Variants in LRRC1 observed in about 807,000 individuals in gnomAD.
LRRC1 encodes leucine-rich repeat-containing protein 1.
A neutral mutation model predicts 69.9 loss-of-function variants in LRRC1; 28 were observed. That is an observed-to-expected ratio of 0.40 (90% confidence interval 0.30 to 0.55). The LOEUF is 0.55. Among genes scored for constraint, LRRC1 ranks in the 20% least tolerant of loss-of-function variants. The pLI, the probability that LRRC1 is intolerant of heterozygous loss-of-function variation, is 0.47. For missense variants in LRRC1, 498 were observed against 609.0 expected (o/e 0.82, Z 1.92); for synonymous variants, 236 against 240.2 (o/e 0.98, Z 0.16).
rs780982634 is a variant in LRRC1, at chr6:53,897,282, T to C, written c.568-3T>C. The C allele has an allele frequency of 6.2e-7, 1 of 1,603,354 alleles. No individual in the cohort carries two copies. The highest frequency in any genetic ancestry group is 8.5e-7 in the Non-Finnish European group (1 of 1,173,092). ...ACCGTAACTTTTTTTTCTTTTGTTT[T>C]AGCCAGAATCAATTGGAGCCCTCTT... On this transcript the variant is annotated splice_polypyrimidine_tract_variant and splice_region_variant and intron_variant, in intron 6 of 13. Coordinates refer to ENST00000370888, the MANE Select transcript of LRRC1 (RefSeq NM_018214.5).
intron 1 of LRRC1, among the ~76,000 whole-genome samples, chr6:53,822,495 T>C (rs1765144646): frequency 6.6e-6 from 1 of 152,206 alleles, no homozygotes; most frequent in Non-Finnish European, 1.5e-5. Flanking sequence ...TCTTCATAAA[T>C]AAGTGACTTG....
chr6:53,834,930 C>G (rs774934253), intron 1 of LRRC1, among the ~76,000 whole-genome samples: 2 of 152,138 alleles, frequency 1.3e-5, no homozygotes, highest in African/African-American at 2.4e-5. Flanking sequence ...CCACTGCACT[C>G]CAGCCTGGGC....
chr6:53,804,772 G>A (rs1407226781), intron 1 of LRRC1, among the ~76,000 whole-genome samples: 2 of 152,172 alleles, frequency 1.3e-5, no homozygotes, highest in African/African-American at 2.4e-5. Flanking sequence ...ATTTCAAGAA[G>A]CATATTTGCT....
At chr6:53,825,688 G>A (rs934221350) in intron 1 of LRRC1, among the ~76,000 whole-genome samples, 16 of 151,974 alleles carry the variant, frequency 1.1e-4, no homozygotes, top group Non-Finnish European at 8.8e-5. Flanking sequence ...AAACTCTGAG[G>A]GTTAGGCCCA....
At chr6:53,878,072 C>T (rs574976598) in intron 2 of LRRC1, among the ~76,000 whole-genome samples, 7 of 152,234 alleles carry the variant, frequency 4.6e-5, no homozygotes, top group East Asian at 1.9e-4. Context: ...ATGTGGATGA[C>T]GACAGGCAAA....
Position 53,914,318 on chromosome 6 carries a change from T to A in LRRC1, c.1106+349T>A, listed in dbSNP as rs556139449. On this transcript the variant is annotated intron_variant, in intron 11 of 13. Transcript: ENST00000370888. ...TCTTCTAAGTAGCTTTTGTAAATCA[T>A]CATGGGCTTCAGAGTTTCCTCACCT... Among the ~76,000 whole-genome samples the A allele has an allele frequency of 9.2e-5, 14 of 152,290 alleles. No individual in the cohort carries two copies. The East Asian group carries it at 2.7e-3, about 29-fold the overall frequency.
chr6:53,868,082 A>C (rs1174398267), intron 2 of LRRC1, among the ~76,000 whole-genome samples: 1 of 152,164 alleles, frequency 6.6e-6, no homozygotes, highest in Non-Finnish European at 1.5e-5. Flanking sequence ...ACTAAGTATT[A>C]GTATACTAAC....
intron 1 of LRRC1, among the ~76,000 whole-genome samples, chr6:53,800,247 CTTTTTTTT>C (rs55960000): frequency 2.2e-5 from 2 of 89,542 alleles, no homozygotes; most frequent in East Asian, 3.5e-4. Flanking sequence ...GTTTCTTTTT[CTTTTTTTT>C]TTTTTTTTTT....
intron 1 of LRRC1, among the ~76,000 whole-genome samples, chr6:53,834,264 C>T (rs1387165907): frequency 6.6e-6 from 1 of 152,202 alleles, no homozygotes. Flanking sequence ...AGATTTCTTG[C>T]ATGTCTACTC....
intron 2 of LRRC1, among the ~76,000 whole-genome samples, chr6:53,845,410 C>G (rs963615019): frequency 1.8e-4 from 27 of 152,120 alleles, no homozygotes; most frequent in Admixed American, 1.8e-3. Flanking sequence ...GTCACAAATC[C>G]TGCAGCTGGA....
At chr6:53,896,287 T>C (rs564558761) in intron 4 of LRRC1, among the ~76,000 whole-genome samples, 2 of 152,328 alleles carry the variant, frequency 1.3e-5, no homozygotes, top group African/African-American at 2.4e-5. Context: ...TTATTAATTA[T>C]TAATATCTTA....
At chr6:53,799,045 C>G (rs2127401119) in intron 1 of LRRC1, among the ~76,000 whole-genome samples, 1 of 152,188 alleles carries the variant, frequency 6.6e-6, no homozygotes, top group East Asian at 1.9e-4. Flanking sequence ...TTCCTGTAAT[C>G]TCCAGCACCA....
chr6:53,908,319 A>G (rs1052852586), intron 10 of LRRC1, among the ~76,000 whole-genome samples: 26 of 152,250 alleles, frequency 1.7e-4, no homozygotes, highest in African/African-American at 6.3e-4. Context: ...ATGAGGCAAC[A>G]TAGCATTTGC....
intron 1 of LRRC1, among the ~76,000 whole-genome samples, chr6:53,832,118 A>G (rs1026962908): frequency 4.6e-5 from 7 of 152,178 alleles, no homozygotes; most frequent in Admixed American, 2.6e-4. Flanking sequence ...CTTTGATCCT[A>G]TTGGTATGAT....
intron 1 of LRRC1, among the ~76,000 whole-genome samples, chr6:53,802,085 C>T (rs930045756): frequency 2.0e-5 from 3 of 152,084 alleles, no homozygotes; most frequent in South Asian, 2.1e-4. Context: ...CTGTACTGCC[C>T]GCCTGGGAGC....
intron 10 of LRRC1, among the ~76,000 whole-genome samples, chr6:53,907,451 G>T (rs1266200458): frequency 6.6e-6 from 1 of 152,134 alleles, no homozygotes; most frequent in Non-Finnish European, 1.5e-5. Flanking sequence ...AATGGTTGAG[G>T]GGAAGATGTT....
chr6:53,851,419 G>A (rs1766132374), intron 2 of LRRC1, among the ~76,000 whole-genome samples: 2 of 152,050 alleles, frequency 1.3e-5, no homozygotes, highest in Non-Finnish European at 2.9e-5. Context: ...AGAAAGGCAG[G>A]AGAAGATGAT....
At chr6:53,820,428 A>T (rs1765084328) in intron 1 of LRRC1, among the ~76,000 whole-genome samples, 1 of 148,190 alleles carries the variant, frequency 6.7e-6, no homozygotes, top group Non-Finnish European at 1.5e-5. Flanking sequence ...TGCACATGGT[A>T]GGCACAGTGC....
intron 7 of LRRC1, among the ~76,000 whole-genome samples, chr6:53,897,990 A>G (rs1767930041): frequency 6.6e-6 from 1 of 152,104 alleles, no homozygotes; most frequent in South Asian, 2.1e-4. Context: ...AACAAACAAA[A>G]CCAACAGGCA....
Sources: allele counts gnomAD v4.1 joint callset (sites outside exome capture counted in the v4.1 genomes callset), GRCh38; gene constraint gnomAD v4.1.1; transcripts MANE v1.5; gene names NCBI Gene and HGNC (gene_info 2026-07-23, HGNC 2026-07-21).